Variants in NCOA6 observed in about 807,000 individuals in gnomAD.
NCOA6 encodes the protein nuclear receptor coactivator 6.
A neutral mutation model predicts 171.4 loss-of-function variants in NCOA6; 49 were observed. That is an observed-to-expected ratio of 0.29 (90% CI 0.23 to 0.36). The LOEUF (loss-of-function observed/expected upper bound fraction) is 0.36, where lower values mean the gene tolerates loss of function less well. Among genes scored for constraint, NCOA6 ranks in the 10% least tolerant of loss-of-function variants. NCOA6 has a pLI of 1.00. For synonymous variants in NCOA6, 910 were observed against 927.5 expected (o/e 0.98, Z 0.34); for missense variants, 2,248 against 2,554.5 (o/e 0.88, Z 2.59).
intron 10 of NCOA6, among the ~76,000 whole-genome samples, chr20:34,743,580 G>C (rs2145605416): frequency 6.6e-6 from 1 of 152,140 alleles, no homozygotes; most frequent in East Asian, 1.9e-4. Context: ...CGGTGTGTAG[G>C]ATCTGAATGA....
At chr20:34,769,709 T>TCATAGGTAA (rs1482062322) in intron 4 of NCOA6, among the ~76,000 whole-genome samples, 1 of 152,116 alleles carries the variant, frequency 6.6e-6, no homozygotes, top group African/African-American at 2.4e-5. Flanking sequence ...CACAGTACCC[T>TCATAGGTAA]CATAGGTAAT....
chr20:34,776,790 G>A (rs1028382365), intron 3 of NCOA6: 20 of 469,646 alleles, frequency 4.3e-5, no homozygotes, highest in African/African-American at 7.9e-5. Flanking sequence ...ACGGAAAGCC[G>A]TAAGATGGAG....
chr20:34,728,721 A>G (rs902635087), intron 13 of NCOA6, among the ~76,000 whole-genome samples: 3 of 152,232 alleles, frequency 2.0e-5, no homozygotes, highest in African/African-American at 7.2e-5. Context: ...CAGAAGACCT[A>G]AATACCTAAC....
rs375268515 is a variant in NCOA6 at position 34,749,455 on chromosome 20, G to A, written c.2740C>T (p.Pro914Ser). 58 of 1,613,386 alleles carry A rather than the reference G, an allele frequency of 3.6e-5. No homozygotes were observed. The African/African-American group carries it at 7.3e-4, about 20-fold the overall frequency. ...TTCCGAGGGGGTTTCTTCTTCTTCG[G>A]TTTATTTGCGTTGGTATTATTTTGC... ...NKQNNTNANK[P>S]KKKKPPRKKK... Residue 914 changes from proline to serine, a missense_variant, in exon 9 of 15, where the codon CCG becomes TCG. Around this residue, in one of 7 missense-constraint regions of NCOA6, gnomAD observed 352 missense variants for 419.1 expected, o/e 0.84. Transcript: ENST00000359003.
intron 10 of NCOA6, among the ~76,000 whole-genome samples, chr20:34,746,277 G>A (rs1412478741): frequency 6.6e-6 from 1 of 150,462 alleles, no homozygotes; most frequent in African/African-American, 2.4e-5. Context: ...TTTGAGACAG[G>A]GTCCCAGGCT....
At chr20:34,756,057 A>T (rs2076631547) in intron 7 of NCOA6, among the ~76,000 whole-genome samples, 2 of 152,084 alleles carry the variant, frequency 1.3e-5, no homozygotes, top group African/African-American at 4.8e-5. Flanking sequence ...TTAAGGGCCA[A>T]ATTTTCAATG....
chr20:34,742,021 A>G lies in NCOA6; in HGVS notation c.4235T>C (p.Val1412Ala). The G allele has an allele frequency of 6.2e-7, 1 of 1,614,178 alleles. No individual in the cohort carries two copies. The highest frequency in any genetic ancestry group is 8.5e-7 in the Non-Finnish European group (1 of 1,180,030). The change falls in exon 11 of 15, where the codon GTT becomes GCT. Residue 1412 changes from valine (V) to alanine (A), a missense_variant. Physicochemically the swap from Val to Ala is moderately conservative, Grantham distance 64. Around this residue, in one of 7 missense-constraint regions of NCOA6, gnomAD observed 884 missense variants for 941.9 expected, o/e 0.94. Transcript: ENST00000359003. ...ATTCAAGCTCTCCTTGTTATCCTCA[A>G]CAACACCCCCAACTGCAGCCACAGA... ...TVSVAAVGGV[V>A]EDNKESLNVP...
chr20:34,738,802 G>A, intron 11 of NCOA6: 1 of 448,698 alleles, frequency 2.2e-6, no homozygotes. Flanking sequence ...GAGAGGTTAA[G>A]GAACGTATCA....
At chr20:34,825,052 T>C (rs2079109769) in intron 1 of NCOA6, among the ~76,000 whole-genome samples, 1 of 151,990 alleles carries the variant, frequency 6.6e-6, no homozygotes, top group South Asian at 2.1e-4. Flanking sequence ...TAGACCCCAA[T>C]CCCGGTTCCC....
At chr20:34,715,924 A>C (rs529547411) in intron 14 of NCOA6, among the ~76,000 whole-genome samples, 1 of 152,306 alleles carries the variant, frequency 6.6e-6, no homozygotes, top group East Asian at 1.9e-4. Flanking sequence ...AGTTATATCA[A>C]GATTGTGGAA....
intron 1 of NCOA6, chr20:34,819,555 G>A (rs553566001): frequency 6.6e-6 from 1 of 152,250 alleles, no homozygotes; most frequent in African/African-American, 2.4e-5. Flanking sequence ...GATAATCTAA[G>A]GCAGCCCCTA....
At chr20:34,750,637 A>G (rs1192504590) in intron 8 of NCOA6, 118 bp from the exon 9 acceptor site, 15 of 1,111,074 alleles carry the variant, frequency 1.4e-5, no homozygotes, top group African/African-American at 1.3e-4. Context: ...ACTGACCAAC[A>G]TAAATATGCT....
At chr20:34,782,970 AAT>A (rs2077553776) in intron 2 of NCOA6, among the ~76,000 whole-genome samples, 1 of 152,214 alleles carries the variant, frequency 6.6e-6, no homozygotes, top group South Asian at 2.1e-4. Flanking sequence ...ATGATTCTGA[AAT>A]AAACACTTAA....
intron 9 of NCOA6, 111 bp from the exon 10 acceptor site, chr20:34,747,039 T>C: frequency 9.2e-7 from 1 of 1,089,542 alleles, no homozygotes; most frequent in Non-Finnish European, 1.2e-6. Flanking sequence ...AATGTTTGCA[T>C]TACCATTATT....
chr20:34,741,106 G>T lies in NCOA6; in HGVS notation c.5150C>A (p.Ala1717Asp), dbSNP rs1264158407. The T allele has an allele frequency of 6.2e-7, 1 of 1,614,242 alleles. No homozygotes were observed. Among genetic ancestry groups the T allele is most frequent in the Admixed American group, 1.7e-5 (1 of 60,032 alleles). ...KFSSAPVPPN[A>D]LSSSPAPNIQ... ...GTTTGGAGCAGGACTACTGGAGAGG[G>T]CATTAGGCGGTACAGGAGCAGAAGA... is the stretch of plus-strand genomic sequence containing the variant. The change falls in exon 11 of 15, where the codon GCC becomes GAC. Residue 1717 changes from alanine (A) to aspartate (D), a missense_variant. Coordinates refer to ENST00000359003, the MANE Select transcript of NCOA6 (RefSeq NM_014071.5).
At chr20:34,722,864 G>C (rs1199609641) in intron 14 of NCOA6, among the ~76,000 whole-genome samples, 1 of 151,890 alleles carries the variant, frequency 6.6e-6, no homozygotes, top group African/African-American at 2.4e-5. Flanking sequence ...AATTAGCCAG[G>C]AATGGTGGTG....
intron 1 of NCOA6, 33 bp from the exon 2 acceptor site, chr20:34,792,596 G>A (rs2077923895): frequency 2.6e-6 from 1 of 390,264 alleles, no homozygotes. Context: ...ACAACAAAAA[G>A]AGAGAGAGAG....
chr20:34,731,467 T>G (rs1459872005), intron 13 of NCOA6, among the ~76,000 whole-genome samples: 3 of 152,264 alleles, frequency 2.0e-5, no homozygotes, highest in Admixed American at 6.5e-5. Context: ...AGTTAACCTT[T>G]CTGAACTTTA....
At position 34,742,378 on chromosome 20, in the gene NCOA6, T is replaced by G; in HGVS notation, c.3878A>C (p.Asn1293Thr). The stretch of plus-strand genomic sequence containing the variant: ...TTGTGGGGTAGCAAAATTGGAAGGA[T>G]TCATGGTAAGATTTGAAGGTGCTTG... The part of the protein sequence containing the change: ...IGQAPSNLTM[N>T]PSNFATPQTH... The change falls in exon 11 of 15, where the codon AAT becomes ACT. Residue 1293 changes from asparagine to threonine, a missense_variant. Transcript: ENST00000359003. 6.2e-7 allele frequency: 1 copy of G among 1,614,176 alleles called. No individual in the cohort carries two copies. Among genetic ancestry groups the G allele is most frequent in the Non-Finnish European group, 8.5e-7 (1 of 1,180,030 alleles).
Sources: gnomAD v4.1 joint callset for allele counts (sites outside exome capture counted in the v4.1 genomes callset) on GRCh38, gnomAD v4.1.1 for gene constraint, gnomAD v4.1.1 regional missense constraint, MANE v1.5 for transcripts, NCBI Gene and HGNC (gene_info 2026-07-23, HGNC 2026-07-21) for gene names.